CC2D2A: variants seen among roughly 807,000 people sequenced by gnomAD.
CC2D2A encodes coiled-coil and C2 domain containing 2A.
In CC2D2A, 155 loss-of-function variants were observed where a neutral mutation model predicts 212.9. The ratio of observed to expected loss-of-function variants is 0.73; its 90% confidence interval spans 0.64 to 0.83. CC2D2A has a LOEUF of 0.83. Ranked by LOEUF, CC2D2A falls within the 40% of genes least tolerant of loss-of-function variation. CC2D2A has a pLI of 0.00. For synonymous variants in CC2D2A, 667 were observed against 686.5 expected, an observed-to-expected ratio of 0.97 and a Z score of 0.44; for missense variants, 1,856 against 1,956.2, an observed-to-expected ratio of 0.95 and a Z score of 0.97.
In CC2D2A at chr4:15,567,471, C is replaced by T. The variant is rs751256569; in HGVS notation, c.3277C>T (p.Pro1093Ser). The T allele has an allele frequency of 1.9e-6, 3 of 1,612,580 alleles. No homozygotes were observed. In the South Asian group the frequency reaches 3.3e-5, roughly 18 times the overall value. Reference protein sequence around the residue: ...TYSPTHNADYPLGQVLVRPFV... With the variant: ...TYSPTHNADYSLGQVLVRPFV... ...CAGCCCAACCCACAATGCTGACTAC[C>T]CCCTCGGCCAGGTGAGAGATGCTGG... The change falls in exon 25 of 37, where the codon CCC becomes TCC. Residue 1093 changes from proline (P) to serine (S), a missense_variant. Pro to Ser is a moderately conservative substitution (Grantham distance 74). Transcript: ENST00000424120.
At chr4:15,497,615 T>G (rs1296486223) in intron 4 of CC2D2A, among the ~76,000 whole-genome samples, 3 of 152,246 alleles carry the variant, frequency 2.0e-5, no homozygotes, top group Non-Finnish European at 4.4e-5. Flanking sequence ...GCAATTTATA[T>G]TCCTACCAGC....
chr4:15,589,286 T>C (rs1380669247), intron 32 of CC2D2A, among the ~76,000 whole-genome samples: 1 of 152,212 alleles, frequency 6.6e-6, no homozygotes, highest in African/African-American at 2.4e-5. Flanking sequence ...AATCTTAAGA[T>C]ATACTGGTTG....
At chr4:15,493,359 C>T (rs1342931612) in intron 4 of CC2D2A, among the ~76,000 whole-genome samples, 62 of 152,242 alleles carry the variant, frequency 4.1e-4, no homozygotes, top group Admixed American at 3.9e-3. Flanking sequence ...ACCTCTGCCT[C>T]CTGGGCACAG....
intron 3 of CC2D2A, chr4:15,479,289 C>A: frequency 6.5e-7 from 1 of 1,537,186 alleles, no homozygotes; most frequent in Non-Finnish European, 8.7e-7. Flanking sequence ...AGTTCCCCTC[C>A]TAGGCTGGGA....
intron 30 of CC2D2A, among the ~76,000 whole-genome samples, chr4:15,580,915 G>C (rs1720633513): frequency 6.6e-6 from 1 of 152,082 alleles, no homozygotes; most frequent in East Asian, 1.9e-4. Flanking sequence ...AAATATTTAA[G>C]TATTTTCAGC....
intron 11 of CC2D2A, among the ~76,000 whole-genome samples, chr4:15,518,373 G>A (rs796905549): frequency 7.6e-4 from 115 of 152,316 alleles, no homozygotes; most frequent in African/African-American, 2.6e-3. Flanking sequence ...GGGCAGCTTC[G>A]CCTCTGTGGC....
chr4:15,545,476 T>C (rs1718663183), intron 17 of CC2D2A, among the ~76,000 whole-genome samples: 1 of 151,994 alleles, frequency 6.6e-6, no homozygotes, highest in Admixed American at 6.6e-5. Context: ...AGCTAGGATA[T>C]AAGGGAGAGC....
chr4:15,560,521 C>A lies in CC2D2A; in HGVS notation c.2923-10C>A, dbSNP rs765343232. ...AATAACATTTTAAATAAGCTGATTT[C>A]TTTCCCCAGGTTAGAGAATCAGTGA... On this transcript the variant is annotated splice_polypyrimidine_tract_variant and intron_variant, in intron 22 of 36. Transcript: ENST00000424120. 8 of 1,376,720 alleles carry A rather than the reference C, an allele frequency of 5.8e-6. No homozygotes were observed. The highest frequency in any genetic ancestry group is 1.8e-4 in the Middle Eastern group (1 of 5,606). 85.3% of individuals were successfully genotyped at this position (1,376,720 alleles called of 1,614,324 possible).
intron 28 of CC2D2A, 49 bp from the exon 29 acceptor site, chr4:15,574,101 C>G: frequency 6.9e-7 from 1 of 1,450,504 alleles, no homozygotes; most frequent in South Asian, 1.4e-5. Context: ...CTCTCAACTT[C>G]TGTTGGAAAA....
chr4:15,557,996 G>T (rs1483291209), intron 21 of CC2D2A, among the ~76,000 whole-genome samples: 1 of 152,134 alleles, frequency 6.6e-6, no homozygotes, highest in Non-Finnish European at 1.5e-5. Context: ...AAGGAACAGG[G>T]CTGGGCATCC....
intron 1 of CC2D2A, among the ~76,000 whole-genome samples, chr4:15,475,137 G>C (rs574739028): frequency 6.6e-6 from 1 of 152,294 alleles, no homozygotes; most frequent in South Asian, 2.1e-4. Context: ...AGCCGGGCGT[G>C]GTGGCATGCG....
At chr4:15,598,218 A>G (rs925068377) in intron 35 of CC2D2A, among the ~76,000 whole-genome samples, 11 of 152,324 alleles carry the variant, frequency 7.2e-5, no homozygotes, top group African/African-American at 2.6e-4. Flanking sequence ...CAATATTAAA[A>G]TGCCTGACAA....
chr4:15,532,545 C>A (rs1357524391), intron 13 of CC2D2A, among the ~76,000 whole-genome samples: 1 of 152,214 alleles, frequency 6.6e-6, no homozygotes, highest in Non-Finnish European at 1.5e-5. Context: ...CTCTTAGACA[C>A]TTCTAAATCC....
chr4:15,505,556 T>C (rs1716210695), intron 6 of CC2D2A, among the ~76,000 whole-genome samples: 1 of 152,092 alleles, frequency 6.6e-6, no homozygotes, highest in South Asian at 2.1e-4. Flanking sequence ...CTCAGTGGAG[T>C]TGACAGCCAG....
In CC2D2A at chr4:15,557,349, G is replaced by A. The variant is rs863225178; in HGVS notation, c.2671G>A (p.Glu891Lys). ...CTATGTCCCTGATTTCTTTAGACTG[G>A]AGCAGCTGCAACAGGAGTTTAACTT... ...ESYVPDFFRL[E>K]QLQQEFNFVS... Residue 891 changes from glutamate (E) to lysine (K), a missense_variant, in exon 21 of 37, where the codon GAG (glutamate) becomes AAG (lysine). By Grantham distance (56) the Glu-to-Lys change is moderately conservative. Around this residue, in one of 5 missense-constraint regions of CC2D2A, gnomAD observed 1,512 missense variants for 1,579.3 expected, o/e 0.96. Coordinates refer to ENST00000424120, the MANE Select transcript of CC2D2A (RefSeq NM_001378615.1). 7.4e-6 allele frequency: 12 copies of A among 1,613,410 alleles called. No individual in the cohort carries two copies. The highest frequency in any genetic ancestry group is 4.4e-5 in the South Asian group (4 of 91,040).
intron 17 of CC2D2A, among the ~76,000 whole-genome samples, chr4:15,546,136 G>A (rs1718699421): frequency 6.6e-6 from 1 of 151,990 alleles, no homozygotes; most frequent in Non-Finnish European, 1.5e-5. Flanking sequence ...CCAAGAGAAG[G>A]ATGAGATTGG....
intron 4 of CC2D2A, among the ~76,000 whole-genome samples, chr4:15,484,022 G>T (rs1327149273): frequency 6.6e-6 from 1 of 152,262 alleles, no homozygotes; most frequent in African/African-American, 2.4e-5. Context: ...ATAATAGATT[G>T]CGTGAACACT....
intron 33 of CC2D2A, 98 bp from the exon 34 acceptor site, chr4:15,595,983 GCTGT>G (rs1278986554): frequency 1.2e-5 from 9 of 744,074 alleles, no homozygotes; most frequent in Non-Finnish European, 1.6e-5. Flanking sequence ...ATGAACACTT[GCTGT>G]CTCTCTGCTG....
intron 20 of CC2D2A, among the ~76,000 whole-genome samples, chr4:15,555,942 ACTTG>A (rs1719257047): frequency 6.6e-6 from 1 of 152,180 alleles, no homozygotes; most frequent in South Asian, 2.1e-4. Context: ...ATTTCAGGAC[ACTTG>A]CTTTTTTCAT....
Sources: gnomAD v4.1 joint callset for allele counts (sites outside exome capture counted in the v4.1 genomes callset) on GRCh38, gnomAD v4.1.1 for gene constraint, gnomAD v4.1.1 regional missense constraint, MANE v1.5 for transcripts, NCBI Gene and HGNC (gene_info 2026-07-23, HGNC 2026-07-21) for gene names.